The following AADAT variants were observed in gnomAD, a reference collection of about 807,000 sequenced individuals.
AADAT encodes aminoadipate aminotransferase.
In AADAT, 25 loss-of-function variants were observed where a neutral mutation model predicts 56.2. The observed-to-expected ratio is 0.44, with a 90% CI of 0.32 to 0.62. The LOEUF (loss-of-function observed/expected upper bound fraction) is 0.62, where lower values mean the gene tolerates loss of function less well. Ranked by LOEUF, AADAT falls within the 20% of genes least tolerant of loss-of-function variation. The pLI is 0.04. For missense variants in AADAT, 387 were observed against 510.5 expected, an observed-to-expected ratio of 0.76 and a Z score of 2.33; for synonymous variants, 173 against 164.7, an observed-to-expected ratio of 1.05 and a Z score of -0.39.
chr4:170,087,051 G>A (rs539043650), intron 3 of AADAT, 65 bp downstream of exon 3: 201 of 1,579,640 alleles, frequency 1.3e-4, no homozygotes, highest in Non-Finnish European at 1.5e-4. Context: ...GGTTAAGTGC[G>A]AGAGGACTAT....
intron 1 of AADAT, 198 bp downstream of exon 1, chr4:170,089,426 C>A (rs1462575221): frequency 3.2e-6 from 2 of 632,388 alleles, no homozygotes; most frequent in South Asian, 3.8e-5. Context: ...CAGAAATACC[C>A]GCCTTCCGTT....
chr4:170,080,237 G>C (rs1732229057), intron 3 of AADAT, among the ~76,000 whole-genome samples: 1 of 152,170 alleles, frequency 6.6e-6, no homozygotes, highest in Non-Finnish European at 1.5e-5. Flanking sequence ...TAGGACTACA[G>C]AGAAGTGAAA....
At chr4:170,093,523 C>G (rs1006262151), upstream of AADAT, among the ~76,000 whole-genome samples, 38 of 152,060 alleles carry the variant, frequency 2.5e-4, no homozygotes, top group African/African-American at 8.9e-4. Context: ...AGGAAAAGAC[C>G]AAAGGTTTTT....
At chr4:170,089,044 T>C (rs966220904) in intron 1 of AADAT, among the ~76,000 whole-genome samples, 8 of 152,240 alleles carry the variant, frequency 5.3e-5, no homozygotes, top group African/African-American at 1.9e-4. Flanking sequence ...TATTTTGTTA[T>C]AGCAGCCTGA....
chr4:170,071,117 T>G (rs1046814509), intron 5 of AADAT, among the ~76,000 whole-genome samples: 21 of 152,166 alleles, frequency 1.4e-4, no homozygotes, highest in Non-Finnish European at 4.4e-5. Flanking sequence ...TTCACCACGT[T>G]GGCCAGGCTG....
chr4:170,066,630 T>G (rs1731476509), intron 9 of AADAT, 152 bp from the exon 10 acceptor site: 2 of 605,652 alleles, frequency 3.3e-6, no homozygotes, highest in Non-Finnish European at 5.9e-6. Context: ...GTTTCACTTG[T>G]CTGGTGAAAA....
chr4:170,082,007 ATG>A (rs1732342106), intron 3 of AADAT, among the ~76,000 whole-genome samples: 1 of 152,248 alleles, frequency 6.6e-6, no homozygotes, highest in Non-Finnish European at 1.5e-5. Context: ...CTTACGAGAA[ATG>A]CTAAAGGGAG....
At chr4:170,090,678 T>C (rs940501687), upstream of AADAT, 2 of 152,218 alleles carry the variant, frequency 1.3e-5, no homozygotes, top group African/African-American at 2.4e-5. Flanking sequence ...CCTTTTTTTT[T>C]CTTACAAAAT....
chr4:170,062,120 A>C, intron 11 of AADAT, 127 bp from the exon 12 acceptor site: 1 of 517,068 alleles, frequency 1.9e-6, no homozygotes, highest in South Asian at 3.2e-5. Context: ...AATCACAAGA[A>C]AAAATACTAA....
chr4:170,073,094 G>C, intron 5 of AADAT, 42 bp downstream of exon 5: 1 of 1,586,274 alleles, frequency 6.3e-7, no homozygotes, highest in East Asian at 2.2e-5. Context: ...AAGTCACAGA[G>C]AAACAGGAAC....
intron 3 of AADAT, among the ~76,000 whole-genome samples, chr4:170,085,635 C>T (rs551551818): frequency 6.6e-6 from 1 of 152,242 alleles, no homozygotes; most frequent in South Asian, 2.1e-4. Flanking sequence ...TCCATAGTAT[C>T]CTTTCTTGAG....
chr4:170,073,976 CTA>C (rs1731916822), intron 4 of AADAT, among the ~76,000 whole-genome samples: 1 of 152,162 alleles, frequency 6.6e-6, no homozygotes, highest in Non-Finnish European at 1.5e-5. Context: ...TTGTGGTTGT[CTA>C]TGTCTCTTTT....
intron 4 of AADAT, 49 bp from the exon 5 acceptor site, chr4:170,073,394 G>C: frequency 6.8e-7 from 1 of 1,464,048 alleles, no homozygotes; most frequent in Non-Finnish European, 9.1e-7. Context: ...ACAAATGTAA[G>C]TGCTATTGGT....
upstream of AADAT, among the ~76,000 whole-genome samples, chr4:170,092,012 T>G (rs1413936727): frequency 1.3e-5 from 2 of 152,184 alleles, no homozygotes; most frequent in East Asian, 3.8e-4. Flanking sequence ...TGTGTGTAGC[T>G]CAGGGATTGT....
At chr4:170,088,643 A>ATAG in intron 1 of AADAT, 79 bp from the exon 2 acceptor site, 1 of 1,398,206 alleles carries the variant, frequency 7.2e-7, no homozygotes, top group Non-Finnish European at 9.9e-7. Context: ...ATTATAGTCA[A>ATAG]TAAAACTATA....
intron 8 of AADAT, among the ~76,000 whole-genome samples, 155 bp from the exon 9 acceptor site, chr4:170,067,543 CAATT>C (rs952413585): frequency 1.3e-5 from 2 of 152,074 alleles, no homozygotes; most frequent in Non-Finnish European, 2.9e-5. Flanking sequence ...AAACAAATGT[CAATT>C]AATAACAATG....
At chr4:170,080,327 C>T (rs766664636) in intron 3 of AADAT, among the ~76,000 whole-genome samples, 3 of 152,098 alleles carry the variant, frequency 2.0e-5, no homozygotes, top group African/African-American at 4.8e-5. Flanking sequence ...GCACCAAGCA[C>T]GTGGAAAAAC....
chr4:170,060,893 G>A lies in AADAT; in HGVS notation c.*35C>T. On this transcript the variant is annotated 3_prime_UTR_variant, in exon 13 of 13. Transcript: ENST00000337664. ...GCCTCCCAAAGTGCTGGGATTATAG[G>A]TGTGAGCCACCATGCCCAACCTAGT... The A allele has an allele frequency of 6.6e-7, 1 of 1,520,234 alleles. No homozygotes were observed. The highest frequency in any genetic ancestry group is 8.8e-7 in the Non-Finnish European group (1 of 1,130,466). 94.2% of individuals were successfully genotyped at this position (1,520,234 alleles called of 1,614,324 possible).
At chr4:170,085,581 G>A (rs988060836) in intron 3 of AADAT, among the ~76,000 whole-genome samples, 1 of 152,080 alleles carries the variant, frequency 6.6e-6, no homozygotes. Flanking sequence ...GTGTTGTGAT[G>A]GATAAAGAAG....
Sources: allele counts gnomAD v4.1 joint callset (sites outside exome capture counted in the v4.1 genomes callset), GRCh38; gene constraint gnomAD v4.1.1; transcripts MANE v1.5; gene names NCBI Gene and HGNC (gene_info 2026-07-23, HGNC 2026-07-21).